Variants in SLC22A4 observed in about 807,000 individuals in gnomAD.
SLC22A4 encodes solute carrier family 22 member 4, also known as ET transporter.
A neutral mutation model predicts 56.6 loss-of-function variants in SLC22A4; 39 were observed. The ratio of observed to expected loss-of-function variants is 0.69; its 90% CI spans 0.53 to 0.90. The LOEUF (loss-of-function observed/expected upper bound fraction) is 0.90. Ranked by LOEUF, SLC22A4 falls within the 40% of genes least tolerant of loss-of-function variation. The pLI, the probability that SLC22A4 is intolerant of heterozygous loss-of-function variation, is 0.00. For missense variants in SLC22A4, 594 were observed against 696.5 expected (o/e 0.85, Z 1.66); for synonymous variants, 241 against 281.4 (o/e 0.86, Z 1.44).
intron 5 of SLC22A4, 147 bp from the exon 6 acceptor site, chr5:132,331,609 T>C (rs1750861347): frequency 8.3e-6 from 6 of 724,688 alleles, no homozygotes; most frequent in African/African-American, 5.2e-5. Context: ...TATATGTAGA[T>C]GCCCTATTGC....
chr5:132,309,119 G>A (rs1187131286), intron 1 of SLC22A4, among the ~76,000 whole-genome samples: 1 of 152,204 alleles, frequency 6.6e-6, no homozygotes, highest in Non-Finnish European at 1.5e-5. Context: ...GGGGCAGGCA[G>A]GGCCGGTTTC....
At chr5:132,301,348 C>A (rs777166832) in intron 1 of SLC22A4, among the ~76,000 whole-genome samples, 18 of 152,250 alleles carry the variant, frequency 1.2e-4, no homozygotes, top group Non-Finnish European at 5.9e-5. Context: ...GACCAGCCTT[C>A]TTTGCAGGCC....
At chr5:132,299,275 T>C (rs559360945) in intron 1 of SLC22A4, among the ~76,000 whole-genome samples, 1 of 152,334 alleles carries the variant, frequency 6.6e-6, no homozygotes, top group East Asian at 1.9e-4. Context: ...AGTTGGGGTT[T>C]GCGTGAGTGC....
In SLC22A4 at chr5:132,294,726, T is replaced by G; in HGVS notation, c.110T>G (p.Met37Arg). Residue 37 changes from methionine to arginine, a missense_variant, in exon 1 of 10, where the codon ATG becomes AGG. Transcript: ENST00000200652. The surrounding 1 kb of genome is among the most constrained non-coding windows in gnomAD (Gnocchi z 5.6). ...ATCATCCCCAATGGCTTCAATGGTATGTCAGTCGTGTTCCTGGCGGGGACC... is the reference window on the plus strand; with the variant it reads ...ATCATCCCCAATGGCTTCAATGGTAGGTCAGTCGTGTTCCTGGCGGGGACC... ...ASIIPNGFNG[M>R]SVVFLAGTPE... 1 of 1,614,084 alleles carries G rather than the reference T, an allele frequency of 6.2e-7. No individual in the cohort carries two copies. Among genetic ancestry groups the G allele is most frequent in the Non-Finnish European group, 8.5e-7 (1 of 1,180,022 alleles).
At position 132,334,774 on chromosome 5, in the gene SLC22A4, G is replaced by A. The variant is rs751596030; in HGVS notation, c.1103G>A (p.Gly368Glu). 35 of 1,614,068 alleles carry A rather than the reference G, an allele frequency of 2.2e-5. No individual in the cohort carries two copies. The South Asian group carries it at 3.7e-4, about 17-fold the overall frequency. Residue 368 changes from glycine (G) to glutamate (E), a missense_variant, in exon 7 of 10, where the codon GGA (glycine) becomes GAA (glutamate). Physicochemically the swap from Gly to Glu is moderately conservative, Grantham distance 98 (BLOSUM62 -2). Transcript: ENST00000200652. ...ALSLDAPNLHGDAYLNCFLSA... is the reference protein window; with the variant it reads ...ALSLDAPNLHEDAYLNCFLSA... The stretch of plus-strand genomic sequence containing the variant: ...TCTCTGGATGCTCCTAATTTACATG[G>A]AGATGCCTACCTGAACTGTTTCCTC...
At chr5:132,342,604 G>T (rs1751254276) in intron 9 of SLC22A4, among the ~76,000 whole-genome samples, 1 of 152,126 alleles carries the variant, frequency 6.6e-6, no homozygotes, top group Non-Finnish European at 1.5e-5. Context: ...AGGTCCCCAG[G>T]TTACCCACAT....
intron 2 of SLC22A4, among the ~76,000 whole-genome samples, chr5:132,313,366 T>C (rs1248774241): frequency 6.6e-6 from 1 of 152,252 alleles, no homozygotes; most frequent in Non-Finnish European, 1.5e-5. Context: ...CACAAGGTCC[T>C]TGCGTACACT....
intron 3 of SLC22A4, chr5:132,320,827 A>C (rs1482902953): frequency 6.6e-6 from 1 of 152,250 alleles, no homozygotes; most frequent in Non-Finnish European, 1.5e-5. Flanking sequence ...AAAGGCAAGC[A>C]TGAATGACCT....
chr5:132,317,749 T>C (rs1750404214), intron 3 of SLC22A4, among the ~76,000 whole-genome samples: 1 of 152,254 alleles, frequency 6.6e-6, no homozygotes, highest in African/African-American at 2.4e-5. Flanking sequence ...CTGCGTATTT[T>C]TGATCTTTTC....
intron 9 of SLC22A4, among the ~76,000 whole-genome samples, chr5:132,341,126 A>T (rs1751205907): frequency 6.6e-6 from 1 of 151,734 alleles, no homozygotes; most frequent in Non-Finnish European, 1.5e-5. Flanking sequence ...CAAAAAAAAT[A>T]AATAAATAAT....
At chr5:132,298,317 A>T (rs912634798) in intron 1 of SLC22A4, among the ~76,000 whole-genome samples, 1 of 152,220 alleles carries the variant, frequency 6.6e-6, no homozygotes, top group Non-Finnish European at 1.5e-5. Flanking sequence ...AAAAGGAAGG[A>T]CATGCTACAA....
intron 1 of SLC22A4, among the ~76,000 whole-genome samples, chr5:132,301,279 G>T (rs528725553): frequency 6.6e-6 from 1 of 152,252 alleles, no homozygotes; most frequent in Non-Finnish European, 1.5e-5. Flanking sequence ...CTCTAAGCTG[G>T]ATACCACTTC....
At chr5:132,323,920 T>G (rs577975777) in intron 4 of SLC22A4, among the ~76,000 whole-genome samples, 5 of 152,318 alleles carry the variant, frequency 3.3e-5, no homozygotes, top group African/African-American at 7.2e-5. Context: ...TAGCCAGGTA[T>G]GGTGATTCAC....
intron 1 of SLC22A4, among the ~76,000 whole-genome samples, chr5:132,301,587 AT>A (rs1381240750): frequency 4.6e-5 from 7 of 152,210 alleles, no homozygotes; most frequent in Admixed American, 4.6e-4. Flanking sequence ...TTCCCCACCC[AT>A]AACCCAGAGG....
chr5:132,313,551 G>A, intron 2 of SLC22A4, 63 bp from the exon 3 acceptor site: 2 of 1,484,064 alleles, frequency 1.3e-6, no homozygotes, highest in Non-Finnish European at 1.9e-6. Context: ...GCCTGACTCA[G>A]GGCTTGCAAC....
chr5:132,323,409 C>T (rs1051181920), intron 4 of SLC22A4, among the ~76,000 whole-genome samples: 19 of 152,188 alleles, frequency 1.2e-4, no homozygotes, highest in African/African-American at 3.9e-4. Flanking sequence ...GACGAGATAG[C>T]GCAGGTCAGG....
chr5:132,309,272 G>T (rs3792880), intron 1 of SLC22A4, among the ~76,000 whole-genome samples: 14,905 of 152,200 alleles, frequency 0.098, 871 homozygotes, highest in East Asian at 0.27. Flanking sequence ...AAAGACACTT[G>T]CGGCACCATA....
At chr5:132,328,828 T>C (rs961354045) in intron 5 of SLC22A4, among the ~76,000 whole-genome samples, 25 of 18,470 alleles carry the variant, frequency 1.4e-3, no homozygotes, top group South Asian at 4.3e-3. Context: ...TGCCTTTATA[T>C]ATATATATAT....
intron 8 of SLC22A4, among the ~76,000 whole-genome samples, chr5:132,337,468 G>A (rs1317266253): frequency 6.6e-6 from 1 of 151,174 alleles, no homozygotes; most frequent in East Asian, 1.9e-4. Flanking sequence ...GTAGAGACGG[G>A]ATTTTGCCAG....
Sources: allele counts gnomAD v4.1 joint callset (sites outside exome capture counted in the v4.1 genomes callset), GRCh38; gene constraint gnomAD v4.1.1; non-coding constraint Gnocchi (gnomAD v3.1); transcripts MANE v1.5; gene names NCBI Gene and HGNC (gene_info 2026-07-23, HGNC 2026-07-21).